The following RABGAP1L variants were observed in gnomAD, a reference collection of about 807,000 sequenced individuals.
RABGAP1L encodes RAB GTPase activating protein 1 like.
In RABGAP1L, 63 loss-of-function variants were observed where a neutral mutation model predicts 137.7. The ratio of observed to expected loss-of-function variants is 0.46; its 90% CI spans 0.37 to 0.56. The LOEUF (loss-of-function observed/expected upper bound fraction) is 0.56. RABGAP1L is among the 20% of genes least tolerant of loss of function. RABGAP1L has a pLI of 0.00. For missense variants in RABGAP1L, 1,095 were observed against 1,244.0 expected, an observed-to-expected ratio of 0.88 and a Z score of 1.80; for synonymous variants, 431 against 433.7, an observed-to-expected ratio of 0.99 and a Z score of 0.08.
intron 14 of RABGAP1L, among the ~76,000 whole-genome samples, chr1:174,658,248 T>C (rs1340980964): frequency 6.6e-6 from 1 of 152,240 alleles, no homozygotes; most frequent in Non-Finnish European, 1.5e-5. Context: ...TGATTATTTT[T>C]GTGATATTTC....
intron 1 of RABGAP1L, among the ~76,000 whole-genome samples, chr1:174,185,973 G>A (rs1040936139): frequency 1.1e-4 from 17 of 151,972 alleles, no homozygotes; most frequent in African/African-American, 2.2e-4. Flanking sequence ...GAGAAACCCC[G>A]TCTTTACTAA....
At chr1:174,170,955 T>C (rs1366186119) in intron 1 of RABGAP1L, among the ~76,000 whole-genome samples, 1 of 152,226 alleles carries the variant, frequency 6.6e-6, no homozygotes, top group African/African-American at 2.4e-5. Context: ...TAATCAGTAA[T>C]GCTATAAAAT....
chr1:174,934,307 C>T (rs1664359762), intron 19 of RABGAP1L, among the ~76,000 whole-genome samples: 2 of 151,996 alleles, frequency 1.3e-5, no homozygotes, highest in South Asian at 4.1e-4. Flanking sequence ...AGGCTGGTCT[C>T]GAACTCCTGA....
intron 11 of RABGAP1L, among the ~76,000 whole-genome samples, chr1:174,369,518 A>G (rs1684923660): frequency 6.6e-6 from 1 of 152,216 alleles, no homozygotes; most frequent in African/African-American, 2.4e-5. Context: ...TTCACTATAA[A>G]AAGTGCCTCA....
chr1:174,481,300 A>G (rs139017542), intron 13 of RABGAP1L, among the ~76,000 whole-genome samples: 141 of 152,272 alleles, frequency 9.3e-4, no homozygotes, highest in African/African-American at 3.1e-3. Context: ...CCACAGTTGA[A>G]TCATTGACCA....
In RABGAP1L at chr1:174,989,874, T is replaced by C; in HGVS notation, c.3029T>C (p.Leu1010Pro). ...IQELEHQRGALMNEIQAAKNS... is the reference protein window; with the variant it reads ...IQELEHQRGAPMNEIQAAKNS... ...GAACTTGAACATCAGAGAGGAGCCC[T>C]TATGAATGAAATCCAAGCTGCGAAA... The change falls in exon 26 of 26, where the codon CTT becomes CCT. Residue 1010 changes from leucine to proline, a missense_variant. Physicochemically the swap from Leu to Pro is moderately conservative, Grantham distance 98. Coordinates refer to ENST00000681986, the MANE Select transcript of RABGAP1L (RefSeq NM_001366446.1). The C allele has an allele frequency of 6.4e-7, 1 of 1,550,652 alleles. No homozygotes were observed. Among genetic ancestry groups the C allele is most frequent in the Non-Finnish European group, 8.7e-7 (1 of 1,146,952 alleles).
At chr1:174,349,467 C>T (rs7546261) in intron 11 of RABGAP1L, among the ~76,000 whole-genome samples, 9,832 of 104,190 alleles carry the variant, frequency 0.094, 964 homozygotes, top group Admixed American at 0.12. Context: ...CTGACCCCCC[C>T]ACCTCCCTCC....
chr1:174,446,774 A>G (rs1417293926), intron 13 of RABGAP1L, among the ~76,000 whole-genome samples: 4 of 152,334 alleles, frequency 2.6e-5, no homozygotes, highest in African/African-American at 9.6e-5. Flanking sequence ...CTGCAAATGT[A>G]ATAAACAAGG....
intron 25 of RABGAP1L, among the ~76,000 whole-genome samples, chr1:174,989,088 GT>G (rs1007897957): frequency 2.6e-5 from 4 of 151,758 alleles, no homozygotes; most frequent in African/African-American, 7.3e-5. Context: ...GCATATGCTT[GT>G]TTTTTTTACC....
intron 19 of RABGAP1L, among the ~76,000 whole-genome samples, chr1:174,953,984 AC>A: frequency 6.6e-6 from 1 of 152,172 alleles, no homozygotes; most frequent in Non-Finnish European, 1.5e-5. Context: ...ATCCGTGGGG[AC>A]GGTCCCCCTG....
Position 174,469,430 on chromosome 1 carries a change from T to G in RABGAP1L, c.1710+75285T>G, listed in dbSNP as rs1198600058. On this transcript the variant is annotated intron_variant, in intron 13 of 25. Coordinates refer to ENST00000681986, the MANE Select transcript of RABGAP1L (RefSeq NM_001366446.1). ...TAAACGTGGACAGTTTACATCAGAT[T>G]CACTGGTAATGCTTATTAAAATTAC... Among the ~76,000 whole-genome samples, 3 of 152,366 alleles carry G rather than the reference T, an allele frequency of 2.0e-5. No individual in the cohort carries two copies. In the East Asian group the frequency reaches 5.8e-4, roughly 29 times the overall value.
At chr1:174,315,518 T>C (rs1439843557) in intron 11 of RABGAP1L, among the ~76,000 whole-genome samples, 1 of 152,116 alleles carries the variant, frequency 6.6e-6, no homozygotes, top group African/African-American at 2.4e-5. Context: ...TAAGTGAGGA[T>C]GTACTTCTGC....
At chr1:174,350,167 C>T (rs1353831181) in intron 11 of RABGAP1L, among the ~76,000 whole-genome samples, 14 of 132,698 alleles carry the variant, frequency 1.1e-4, no homozygotes, top group African/African-American at 2.9e-4. Flanking sequence ...CCGGATGGGG[C>T]GGCTGGCCGG....
chr1:174,772,017 G>A (rs1314631359), intron 18 of RABGAP1L, among the ~76,000 whole-genome samples: 1 of 152,050 alleles, frequency 6.6e-6, no homozygotes, highest in African/African-American at 2.4e-5. Context: ...GGCCAAGATG[G>A]TGAAACCCCA....
At chr1:174,506,247 A>G (rs550642120) in intron 13 of RABGAP1L, among the ~76,000 whole-genome samples, 1 of 152,314 alleles carries the variant, frequency 6.6e-6, no homozygotes, top group African/African-American at 2.4e-5. Context: ...ATGATAATAT[A>G]TTGTATACTT....
chr1:174,746,186 A>G (rs915431826), intron 17 of RABGAP1L, among the ~76,000 whole-genome samples: 8 of 152,178 alleles, frequency 5.3e-5, no homozygotes, highest in African/African-American at 1.9e-4. Flanking sequence ...ATTTTATGCA[A>G]GATTGTGGGT....
At chr1:174,629,533 T>A (rs1020160819) in intron 13 of RABGAP1L, among the ~76,000 whole-genome samples, 2 of 152,154 alleles carry the variant, frequency 1.3e-5, no homozygotes, top group Non-Finnish European at 2.9e-5. Context: ...GGGAATTTTA[T>A]TTTAATTAAT....
intron 13 of RABGAP1L, among the ~76,000 whole-genome samples, chr1:174,619,750 C>G (rs148293443): frequency 8.3e-4 from 126 of 152,138 alleles, no homozygotes; most frequent in East Asian, 6.6e-3. Context: ...AAAATAACCA[C>G]CTAACATCAT....
intron 11 of RABGAP1L, among the ~76,000 whole-genome samples, chr1:174,363,179 C>T (rs539174316): frequency 4.9e-4 from 75 of 152,320 alleles, no homozygotes; most frequent in African/African-American, 1.8e-3. Context: ...GTCTTGGTTA[C>T]CATAGCCCTG....
Sources: allele counts gnomAD v4.1 joint callset (sites outside exome capture counted in the v4.1 genomes callset), GRCh38; gene constraint gnomAD v4.1.1; transcripts MANE v1.5; gene names NCBI Gene and HGNC (gene_info 2026-07-23, HGNC 2026-07-21).